Variants in DNAAF11 observed in about 807,000 individuals in gnomAD.
The protein encoded by DNAAF11 is dynein axonemal assembly factor 11, also known as leucine rich repeat containing 6.
Under a neutral mutation model 60.8 loss-of-function variants are expected in DNAAF11, and 45 were observed. The ratio of observed to expected loss-of-function variants is 0.74; its 90% confidence interval spans 0.58 to 0.95. DNAAF11 has a LOEUF of 0.95. DNAAF11 is among the 40% of genes least tolerant of loss of function. The pLI, the probability that DNAAF11 is intolerant of heterozygous loss-of-function variation, is 0.00. For missense variants in DNAAF11, 546 were observed against 546.2 expected (o/e 1.00, Z 0.00); for synonymous variants, 191 against 183.5 (o/e 1.04, Z -0.33).
chr8:132,611,245 T>C (rs752869302), intron 9 of DNAAF11, 49 bp downstream of exon 9: 1 of 1,347,992 alleles, frequency 7.4e-7, no homozygotes, highest in South Asian at 1.2e-5. Flanking sequence ...CACAGCTTAG[T>C]TCAAAGCTTA....
chr8:132,574,172 C>A (rs1486988272), intron 11 of DNAAF11, among the ~76,000 whole-genome samples: 1 of 152,214 alleles, frequency 6.6e-6, no homozygotes, highest in African/African-American at 2.4e-5. Flanking sequence ...AGCTATGATG[C>A]TGCTTATTCT....
At chr8:132,583,381 T>C (rs1171433542) in intron 11 of DNAAF11, among the ~76,000 whole-genome samples, 2 of 152,170 alleles carry the variant, frequency 1.3e-5, no homozygotes, top group Admixed American at 6.5e-5. Flanking sequence ...GTATTTAATA[T>C]GGGTAAAGCA....
upstream of DNAAF11, among the ~76,000 whole-genome samples, chr8:132,680,541 A>G (rs901412077): frequency 1.3e-5 from 2 of 152,100 alleles, no homozygotes; most frequent in Non-Finnish European, 2.9e-5. Flanking sequence ...CAATATTGTG[A>G]CTAGAATTCC....
At chr8:132,638,577 AG>A (rs1242005833) in intron 3 of DNAAF11, among the ~76,000 whole-genome samples, 3 of 152,204 alleles carry the variant, frequency 2.0e-5, no homozygotes, top group Admixed American at 2.0e-4. Context: ...CCAAAAAGAA[AG>A]GCATTTCATA....
chr8:132,622,727 G>A, intron 6 of DNAAF11, 39 bp from the exon 7 acceptor site: 1 of 1,377,750 alleles, frequency 7.3e-7, no homozygotes, highest in Non-Finnish European at 1.0e-6. Flanking sequence ...GGGCAGCATG[G>A]AAAGAAAAAA....
chr8:132,655,641 T>A (rs918185113), intron 3 of DNAAF11, among the ~76,000 whole-genome samples: 1 of 152,096 alleles, frequency 6.6e-6, no homozygotes, highest in African/African-American at 2.4e-5. Context: ...ATAACTAATT[T>A]AAAAATGGGC....
At chr8:132,615,520 C>T in intron 7 of DNAAF11, among the ~76,000 whole-genome samples, 1 of 152,310 alleles carries the variant, frequency 6.6e-6, no homozygotes, top group African/African-American at 2.4e-5. Flanking sequence ...GTCCTGTCTT[C>T]CTTCTTTTTT....
At chr8:132,615,216 T>A (rs1819027490) in intron 7 of DNAAF11, 119 bp from the exon 8 acceptor site, 1 of 524,414 alleles carries the variant, frequency 1.9e-6, no homozygotes, top group Non-Finnish European at 3.3e-6. Context: ...CAAAGACAAC[T>A]TATTTTAGTG....
chr8:132,653,097 G>A (rs570278256), intron 3 of DNAAF11, among the ~76,000 whole-genome samples: 3 of 152,008 alleles, frequency 2.0e-5, no homozygotes, highest in Non-Finnish European at 4.4e-5. Flanking sequence ...AAAGATGCAG[G>A]TCAAAAGGCA....
At chr8:132,637,721 G>C (rs184838686) in intron 4 of DNAAF11, among the ~76,000 whole-genome samples, 1 of 152,302 alleles carries the variant, frequency 6.6e-6, no homozygotes, top group East Asian at 1.9e-4. Context: ...TTTTGGATGA[G>C]AAAGGTGAAA....
chr8:132,695,389 G>A, the DNAAF11 span, among the ~76,000 whole-genome samples: 1 of 152,168 alleles, frequency 6.6e-6, no homozygotes, highest in Non-Finnish European at 1.5e-5. Context: ...GAGAGGGTGG[G>A]CTGCAATGCA....
At chr8:132,651,292 C>A (rs1293402168) in intron 3 of DNAAF11, among the ~76,000 whole-genome samples, 2 of 151,670 alleles carry the variant, frequency 1.3e-5, no homozygotes, top group African/African-American at 4.8e-5. Flanking sequence ...AAAAAGGATA[C>A]TAGCTATTTT....
chr8:132,595,492 T>C (rs4736597), intron 10 of DNAAF11, among the ~76,000 whole-genome samples: 32,271 of 151,612 alleles, frequency 0.21, 3,723 homozygotes, highest in African/African-American at 0.29. Context: ...ATATTTCAAG[T>C]GCCATGGAAA....
At chr8:132,651,369 G>A (rs142145913) in intron 3 of DNAAF11, among the ~76,000 whole-genome samples, 1 of 151,902 alleles carries the variant, frequency 6.6e-6, no homozygotes, top group East Asian at 1.9e-4. Context: ...CAGGTGGGTT[G>A]AAGGTGTACC....
intron 10 of DNAAF11, among the ~76,000 whole-genome samples, chr8:132,599,429 C>A (rs575027064): frequency 3.9e-5 from 6 of 152,180 alleles, no homozygotes; most frequent in Non-Finnish European, 8.8e-5. Flanking sequence ...TTTTATGAGG[C>A]CAGCATCATC....
rs557547636 is a variant in DNAAF11, at chr8:132,581,545, G to T, written c.1226+2149C>A. On this transcript the variant is annotated intron_variant, in intron 11 of 11. Coordinates refer to ENST00000620350, the MANE Select transcript of DNAAF11 (RefSeq NM_012472.6). ...GGCACCAGTAGTCCCAGCTACTCGGGAGGCTGAGGCTGGAGAATCGCTTGA... is the reference window on the plus strand; with the variant it reads ...GGCACCAGTAGTCCCAGCTACTCGGTAGGCTGAGGCTGGAGAATCGCTTGA... Among the ~76,000 whole-genome samples, 509 of 151,942 alleles carry T rather than the reference G, an allele frequency of 3.3e-3. 5 individuals are homozygous for T. The highest frequency in any genetic ancestry group is 0.012 in the African/African-American group (484 of 41,450).
chr8:132,580,118 A>G (rs1449962262), intron 11 of DNAAF11, among the ~76,000 whole-genome samples: 2 of 152,176 alleles, frequency 1.3e-5, no homozygotes, highest in Non-Finnish European at 2.9e-5. Flanking sequence ...ATATGAAAAC[A>G]TGAACTATAA....
chr8:132,651,207 A>G (rs1482481359), intron 3 of DNAAF11, among the ~76,000 whole-genome samples: 1 of 151,928 alleles, frequency 6.6e-6, no homozygotes, highest in Admixed American at 6.6e-5. Context: ...CTCTCCTTCC[A>G]GGTTAGGGTA....
the DNAAF11 span, among the ~76,000 whole-genome samples, chr8:132,681,003 C>CTTTTTTTTTTT: frequency 5.4e-3 from 284 of 52,336 alleles, 84 homozygotes; most frequent in African/African-American, 0.017. Flanking sequence ...ATAACTATTC[C>CTTTTTTTTTTT]TTTTTTTTTT....
Sources: allele counts gnomAD v4.1 joint callset (sites outside exome capture counted in the v4.1 genomes callset), GRCh38; gene constraint gnomAD v4.1.1; transcripts MANE v1.5; gene names NCBI Gene and HGNC (gene_info 2026-07-23, HGNC 2026-07-21).